NT5DC1: variants seen among roughly 807,000 people sequenced by gnomAD.
The protein encoded by NT5DC1 is 5'-nucleotidase domain-containing protein 1.
In NT5DC1, 42 loss-of-function variants were observed where a neutral mutation model predicts 59.4. The ratio of observed to expected loss-of-function variants is 0.71; its 90% CI spans 0.55 to 0.92. NT5DC1 has a LOEUF of 0.92. Among genes scored for constraint, NT5DC1 ranks in the 40% least tolerant of loss-of-function variants. NT5DC1 has a pLI of 0.00. For missense variants in NT5DC1, 501 were observed against 537.1 expected (o/e 0.93, Z 0.66); for synonymous variants, 172 against 188.1 (o/e 0.91, Z 0.70).
chr6:116,111,067 A>G, intron 4 of NT5DC1, 111 bp downstream of exon 4: 1 of 698,258 alleles, frequency 1.4e-6, no homozygotes, highest in Non-Finnish European at 2.5e-6. Flanking sequence ...GCAGGATGCC[A>G]AAGGGAGCAG....
At chr6:116,185,866 A>C (rs1048465263) in intron 6 of NT5DC1, among the ~76,000 whole-genome samples, 4 of 152,078 alleles carry the variant, frequency 2.6e-5, no homozygotes, top group Non-Finnish European at 5.9e-5. Flanking sequence ...CTTTACATTC[A>C]ACGTTAGTAT....
rs74619986 is a variant in NT5DC1, at chr6:116,237,984, C to T, written c.922-203C>T. Among the ~76,000 whole-genome samples the T allele has an allele frequency of 6.3e-4, 96 of 152,318 alleles. 2 individuals carry two copies. The East Asian group carries it at 8.3e-3, about 13-fold the overall frequency. On this transcript the variant is annotated intron_variant, in intron 9 of 11. Coordinates refer to ENST00000319550, the MANE Select transcript of NT5DC1 (RefSeq NM_152729.3). Reference sequence around the variant, plus strand: ...CACCTGTGAATGTGTTGTATAACTTCTTAAGACAAATCTGGCACCCTGTGA... The same window carrying T: ...CACCTGTGAATGTGTTGTATAACTTTTTAAGACAAATCTGGCACCCTGTGA...
Position 116,116,321 on chromosome 6 carries a change from A to C in NT5DC1, c.444+551A>C, listed in dbSNP as rs1481884506. 2.6e-5 allele frequency among the ~76,000 whole-genome samples: 4 copies of C among 152,156 alleles called. No homozygotes were observed. In the East Asian group the frequency reaches 7.7e-4, roughly 29 times the overall value. ...TCAAACAGATTTATATGTCAGAATCACTTTCCTTTATGCATGTCTTTTAAA... is the reference window on the plus strand; with the variant it reads ...TCAAACAGATTTATATGTCAGAATCCCTTTCCTTTATGCATGTCTTTTAAA... On this transcript the variant is annotated intron_variant, in intron 5 of 11. Coordinates refer to ENST00000319550, the MANE Select transcript of NT5DC1 (RefSeq NM_152729.3).
At position 116,243,999 on chromosome 6, in the gene NT5DC1, G is replaced by T; in HGVS notation, c.1343G>T (p.Ser448Ile). The T allele has an allele frequency of 1.4e-6, 2 of 1,456,062 alleles. No homozygotes were observed. The highest frequency in any genetic ancestry group is 1.9e-6 in the Non-Finnish European group (2 of 1,043,498). The allele number at this position is 1,456,062 out of a possible 1,614,324, so 90.2% of individuals were successfully genotyped here. A position where few individuals can be genotyped will look rare whatever the true frequency, so the allele number is the denominator to read the frequency against. Residue 448 changes from serine (S) to isoleucine (I), a missense_variant, in exon 12 of 12, where the codon AGT becomes ATT. Ser to Ile is a moderately radical substitution (Grantham distance 142). Transcript: ENST00000319550. ...YYPNPPLVLS[S>I]DETLISK ...CCAAATCCTCCACTGGTCTTATCAAGTGATGAGACACTGATATCCAAATAA... is the reference window on the plus strand; with the variant it reads ...CCAAATCCTCCACTGGTCTTATCAATTGATGAGACACTGATATCCAAATAA...
In NT5DC1 at chr6:116,239,116, A is replaced by C. The variant is rs367768768; in HGVS notation, c.1245A>C (p.Ala415=). 27 of 1,608,824 alleles carry C rather than the reference A, an allele frequency of 1.7e-5. No homozygotes were observed. The highest frequency in any genetic ancestry group is 4.2e-6 in the Non-Finnish European group (5 of 1,176,798). Residue 415 remains alanine (A), a synonymous_variant, in exon 11 of 12, where the codon GCA becomes GCC. Transcript: ENST00000319550. ...YSTIAIPSIE[A]IAELPLDYKF... ...CTATTGCAATTCCAAGTATTGAAGC[A>C]ATCGCAGGTAAGGGGGAAAATACCT...
At chr6:116,187,804 A>C (rs1781034391) in intron 6 of NT5DC1, among the ~76,000 whole-genome samples, 2 of 152,128 alleles carry the variant, frequency 1.3e-5, no homozygotes, top group African/African-American at 4.8e-5. Flanking sequence ...AAGATAATGA[A>C]ATATTTCTTA....
chr6:116,193,754 T>A (rs1781168832), intron 6 of NT5DC1, among the ~76,000 whole-genome samples: 1 of 117,128 alleles, frequency 8.5e-6, no homozygotes, highest in Non-Finnish European at 1.8e-5. Context: ...CTTAAACATA[T>A]AATTATACTG....
At chr6:116,189,106 A>G (rs1781065143) in intron 6 of NT5DC1, among the ~76,000 whole-genome samples, 2 of 152,002 alleles carry the variant, frequency 1.3e-5, no homozygotes, top group South Asian at 4.1e-4. Flanking sequence ...TAATTATTTT[A>G]ATCAAGTTGA....
intron 6 of NT5DC1, among the ~76,000 whole-genome samples, chr6:116,156,405 G>GA (rs932142169): frequency 5.3e-5 from 8 of 152,038 alleles, no homozygotes; most frequent in Non-Finnish European, 1.2e-4. Flanking sequence ...CTTTGAGGTT[G>GA]AAAAAAATGT....
intron 6 of NT5DC1, among the ~76,000 whole-genome samples, chr6:116,128,529 T>C (rs1295596416): frequency 6.6e-6 from 1 of 152,186 alleles, no homozygotes; most frequent in African/African-American, 2.4e-5. Context: ...TTTTCACATC[T>C]GGCAGTTAGC....
chr6:116,202,244 T>C (rs1182736202), intron 6 of NT5DC1, among the ~76,000 whole-genome samples: 1 of 152,046 alleles, frequency 6.6e-6, no homozygotes, highest in Non-Finnish European at 1.5e-5. Context: ...CACTTGGCTA[T>C]TCTTTTCGAG....
At chr6:116,130,701 C>T (rs553276073) in intron 6 of NT5DC1, among the ~76,000 whole-genome samples, 1 of 152,048 alleles carries the variant, frequency 6.6e-6, no homozygotes, top group South Asian at 2.1e-4. Flanking sequence ...CTGATGTAGC[C>T]AATGCACATT....
At chr6:116,159,942 A>AT (rs1251086659) in intron 6 of NT5DC1, among the ~76,000 whole-genome samples, 1 of 152,118 alleles carries the variant, frequency 6.6e-6, no homozygotes, top group African/African-American at 2.4e-5. Flanking sequence ...AAAGGACACA[A>AT]TTTCATTACT....
Position 116,238,970 on chromosome 6 carries a change from C to A in NT5DC1, c.1099C>A (p.Pro367Thr). 1.2e-6 allele frequency: 2 copies of A among 1,601,148 alleles called. No homozygotes were observed. The highest frequency in any genetic ancestry group is 1.7e-6 in the Non-Finnish European group (2 of 1,169,008). The change falls in exon 11 of 12, where the codon CCT (proline) becomes ACT (threonine). Residue 367 changes from proline (P) to threonine (T), a missense_variant. Coordinates refer to ENST00000319550, the MANE Select transcript of NT5DC1 (RefSeq NM_152729.3). Reference protein sequence around the residue: ...KGKYEGPKAKPLNTSSKKWGS... With the variant: ...KGKYEGPKAKTLNTSSKKWGS... ...CTTGTTTCAGGGACCAAAAGCAAAA[C>A]CTTTAAATACTTCATCTAAAAAATG...
At chr6:116,142,339 G>A (rs1440677203) in intron 6 of NT5DC1, among the ~76,000 whole-genome samples, 1 of 150,580 alleles carries the variant, frequency 6.6e-6, no homozygotes, top group African/African-American at 2.4e-5. Context: ...GAGATTTCAA[G>A]TTGTAAAAAA....
In NT5DC1 at chr6:116,120,836, G is replaced by A. The variant is rs770327915; in HGVS notation, c.529+2891G>A. The A allele has an allele frequency of 3.1e-6, 5 of 1,613,844 alleles. No individual in the cohort carries two copies. Among genetic ancestry groups the A allele is most frequent in the Non-Finnish European group, 4.2e-6 (5 of 1,179,956 alleles). On this transcript the variant is annotated intron_variant, in intron 6 of 11. Coordinates refer to ENST00000319550, the MANE Select transcript of NT5DC1 (RefSeq NM_152729.3). ...GTGTCCGGGCATTCCCTTTGCTCCT[G>A]CTGGGCCCACAGGGCCTGGGAGACC...
intron 6 of NT5DC1, among the ~76,000 whole-genome samples, chr6:116,189,476 T>C (rs1267738638): frequency 1.3e-5 from 2 of 151,978 alleles, no homozygotes; most frequent in Non-Finnish European, 2.9e-5. Flanking sequence ...TCTAACTATA[T>C]TTTGCAAGCA....
At chr6:116,209,132 C>T (rs1309092716) in intron 6 of NT5DC1, among the ~76,000 whole-genome samples, 2 of 151,934 alleles carry the variant, frequency 1.3e-5, no homozygotes, top group African/African-American at 2.4e-5. Context: ...ATTTTTATTA[C>T]GTTACTGTCC....
intron 6 of NT5DC1, among the ~76,000 whole-genome samples, chr6:116,167,089 A>G (rs1780486415): frequency 6.6e-6 from 1 of 152,138 alleles, no homozygotes; most frequent in Non-Finnish European, 1.5e-5. Flanking sequence ...AGCATGTGAT[A>G]TCCGTAGAAT....
Sources: allele counts gnomAD v4.1 joint callset (sites outside exome capture counted in the v4.1 genomes callset), GRCh38; gene constraint gnomAD v4.1.1; transcripts MANE v1.5; gene names NCBI Gene and HGNC (gene_info 2026-07-23, HGNC 2026-07-21).